The following SETD9 variants were observed in gnomAD, a reference collection of about 807,000 sequenced individuals.
SETD9 encodes the protein SET domain containing 9.
In SETD9, 37 loss-of-function variants were observed where a neutral mutation model predicts 36.4. The observed-to-expected ratio is 1.02, with a 90% CI of 0.78 to 1.34. SETD9 has a LOEUF of 1.34. Ranked by LOEUF, SETD9 falls within the 40% of genes most tolerant of loss-of-function variation. The pLI is 0.00. For synonymous variants in SETD9, 128 were observed against 132.9 expected, an observed-to-expected ratio of 0.96 and a Z score of 0.26; for missense variants, 323 against 353.2, an observed-to-expected ratio of 0.91 and a Z score of 0.69.
chr5:56,926,192 A>AT (rs972093061), downstream of SETD9, among the ~76,000 whole-genome samples: 36 of 152,248 alleles, frequency 2.4e-4, no homozygotes, highest in Admixed American at 1.0e-3. Context: ...TTTGGCAATG[A>AT]TTTTTTTAAA....
intron 1 of SETD9, 81 bp downstream of exon 1, chr5:56,909,824 G>A (rs1749006146): frequency 7.5e-7 from 1 of 1,327,180 alleles, no homozygotes. Context: ...GCAAAGCGGA[G>A]AGCCTGAGGC....
At position 56,917,020 on chromosome 5, in the gene SETD9, G is replaced by A; in HGVS notation, c.*118G>A. Reference sequence around the variant, plus strand: ...AATATTTTGAGACTTAATTGGAATAGGAATTTCTTATGTTTTTGTTGATAT... The same window carrying A: ...AATATTTTGAGACTTAATTGGAATAAGAATTTCTTATGTTTTTGTTGATAT... On this transcript the variant is annotated 3_prime_UTR_variant, in exon 6 of 6. Transcript: ENST00000285947. 1.5e-6 allele frequency: 2 copies of A among 1,353,856 alleles called. No individual in the cohort carries two copies. Among genetic ancestry groups the A allele is most frequent in the Non-Finnish European group, 1.9e-6 (2 of 1,057,012 alleles). 83.9% of individuals were successfully genotyped at this position (1,353,856 alleles called of 1,614,324 possible).
chr5:56,911,460 A>G lies in SETD9; in HGVS notation c.390A>G (p.Ser130=), dbSNP rs7727044. ...TCAGTGTTGCCCAAGCAACTAGCTC[A>G]TTGATTTCTGCTGGAAAAGGTGTCT... is the stretch of plus-strand genomic sequence containing the variant. The part of the protein sequence containing the change: ...LGFSVAQATS[S]LISAGKGVFV... Residue 130 remains serine (S), a synonymous_variant, in exon 2 of 6, where the codon TCA becomes TCG. Transcript: ENST00000285947. 6.6e-4 allele frequency: 1,059 copies of G among 1,609,704 alleles called. 8 individuals carry two copies. The African/African-American group carries it at 0.013, about 19-fold the overall frequency.
downstream of SETD9, among the ~76,000 whole-genome samples, chr5:56,918,896 T>G (rs1031793539): frequency 6.6e-6 from 1 of 152,132 alleles, no homozygotes; most frequent in African/African-American, 2.4e-5. Flanking sequence ...AGATAGGAGC[T>G]TTAGCTTAAA....
chr5:56,914,585 C>T (rs1749328236), intron 4 of SETD9, among the ~76,000 whole-genome samples: 1 of 151,994 alleles, frequency 6.6e-6, no homozygotes, highest in Non-Finnish European at 1.5e-5. Flanking sequence ...ATTATCTAAA[C>T]ATATGTTATT....
chr5:56,911,644 GA>G (rs1374844808), intron 2 of SETD9, 108 bp downstream of exon 2: 2 of 1,216,998 alleles, frequency 1.6e-6, no homozygotes, highest in Non-Finnish European at 2.2e-6. Context: ...GATTAAATTG[GA>G]AACTCGAGTT....
At chr5:56,911,018 C>CA in intron 1 of SETD9, 151 bp from the exon 2 acceptor site, 3 of 871,114 alleles carry the variant, frequency 3.4e-6, no homozygotes, top group Non-Finnish European at 4.9e-6. Context: ...AGAACTCCCT[C>CA]AAACAATTCT....
intron 5 of SETD9, among the ~76,000 whole-genome samples, chr5:56,915,949 C>A (rs1037963101): frequency 4.7e-5 from 7 of 149,804 alleles, no homozygotes; most frequent in Non-Finnish European, 1.0e-4. Context: ...GTGACAGAGC[C>A]AGATCCTGTC....
chr5:56,922,834 AAAG>A (rs970690407), intron 5 of SETD9: 4 of 339,500 alleles, frequency 1.2e-5, no homozygotes, highest in African/African-American at 8.3e-5. Context: ...AAGAATAGAA[AAAG>A]AAGGGAGTGG....
chr5:56,911,209 A>G lies in SETD9; in HGVS notation c.139A>G (p.Ile47Val). 1 of 1,575,640 alleles carries G rather than the reference A, an allele frequency of 6.3e-7. No homozygotes were observed. Among genetic ancestry groups the G allele is most frequent in the Middle Eastern group, 1.7e-4 (1 of 5,838 alleles). Residue 47 changes from isoleucine (I) to valine (V), a missense_variant, in exon 2 of 6, where the codon ATC (isoleucine) becomes GTC (valine). Transcript: ENST00000285947. Reference sequence around the variant, plus strand: ...TCCAGAGGAATCCAAAGACAAAGTTATCTCAGATGAAGATGTCCTAGGAAC... The same window carrying G: ...TCCAGAGGAATCCAAAGACAAAGTTGTCTCAGATGAAGATGTCCTAGGAAC... ...YVPEESKDKV[I>V]SDEDVLGTLL... is the part of the protein sequence containing the mutation.
chr5:56,909,757 AC>A lies in SETD9; in HGVS notation c.98+15del. 1 of 1,605,504 alleles carries A rather than the reference AC, an allele frequency of 6.2e-7. No individual in the cohort carries two copies. The highest frequency in any genetic ancestry group is 8.5e-7 in the Non-Finnish European group (1 of 1,175,734). On this transcript the variant is annotated intron_variant, in intron 1 of 5. Coordinates refer to ENST00000285947, the MANE Select transcript of SETD9 (RefSeq NM_153706.4). ...CCACAACCCGAGGTGAGAGGGCGGG[AC>A]GGCAGAACGAGGGGCACCTGCCTTC...
chr5:56,915,023 A>G, intron 5 of SETD9, 57 bp downstream of exon 5: 4 of 1,292,828 alleles, frequency 3.1e-6, no homozygotes, highest in Middle Eastern at 2.0e-4. Context: ...TTAAAAAAAT[A>G]TAGAAGAAAA....
downstream of SETD9, chr5:56,920,459 C>A (rs1278701164): frequency 6.6e-6 from 1 of 152,022 alleles, no homozygotes; most frequent in African/African-American, 2.4e-5. Flanking sequence ...GAAAAAAAAA[C>A]AAAAAGAATT....
chr5:56,912,523 T>C (rs1749191925), intron 2 of SETD9, among the ~76,000 whole-genome samples: 1 of 152,196 alleles, frequency 6.6e-6, no homozygotes, highest in Non-Finnish European at 1.5e-5. Context: ...AGAAGTTTAA[T>C]AAATAGATTA....
In SETD9 at chr5:56,911,506, C is replaced by G; in HGVS notation, c.436C>G (p.Pro146Ala). The change falls in exon 2 of 6, where the codon CCA (proline) becomes GCA (alanine). Residue 146 changes from proline to alanine, a missense_variant. Physicochemically the swap from Pro to Ala is conservative, Grantham distance 27. Transcript: ENST00000285947. Reference protein sequence around the residue: ...KGVFVTKGLVPKGAVVSMYPG... With the variant: ...KGVFVTKGLVAKGAVVSMYPG... ...TGTCTTCGTTACTAAAGGATTGGTA[C>G]CAAAAGGCGCAGTCGTATCTATGTA... 3 of 1,586,394 alleles carry G rather than the reference C, an allele frequency of 1.9e-6. No homozygotes were observed. Among genetic ancestry groups the G allele is most frequent in the Non-Finnish European group, 2.6e-6 (3 of 1,169,602 alleles).
intron 5 of SETD9, chr5:56,923,443 G>A: frequency 1.2e-6 from 2 of 1,614,130 alleles, no homozygotes; most frequent in Non-Finnish European, 1.7e-6. Flanking sequence ...TTTCCCCATT[G>A]CTGGGCAGGG....
chr5:56,910,327 A>C lies in SETD9; in HGVS notation c.98+584A>C, dbSNP rs531581665. The C allele has an allele frequency of 2.5e-5, 33 of 1,304,346 alleles. No homozygotes were observed. In the Admixed American group the frequency reaches 5.7e-4, roughly 23 times the overall value. 80.8% of individuals were successfully genotyped at this position (1,304,346 alleles called of 1,614,324 possible). ...CCCGGCTGTGAGAATAGCGTGCAGTAGCTCGCGCGTTAAGAACGGGCAGAA... is the reference window on the plus strand; with the variant it reads ...CCCGGCTGTGAGAATAGCGTGCAGTCGCTCGCGCGTTAAGAACGGGCAGAA... On this transcript the variant is annotated intron_variant, in intron 1 of 5. Coordinates refer to ENST00000285947, the MANE Select transcript of SETD9 (RefSeq NM_153706.4).
At chr5:56,915,723 G>A (rs1749391573) in intron 5 of SETD9, among the ~76,000 whole-genome samples, 1 of 152,138 alleles carries the variant, frequency 6.6e-6, no homozygotes, top group Non-Finnish European at 1.5e-5. Context: ...CAGCACTTTG[G>A]GAGGCCAAGG....
intron 5 of SETD9, among the ~76,000 whole-genome samples, chr5:56,915,772 C>A (rs2112032639): frequency 6.6e-6 from 1 of 151,798 alleles, no homozygotes; most frequent in South Asian, 2.1e-4. Context: ...GAAACCAGCC[C>A]AGACAACATG....
Sources: allele counts gnomAD v4.1 joint callset (sites outside exome capture counted in the v4.1 genomes callset), GRCh38; gene constraint gnomAD v4.1.1; transcripts MANE v1.5; gene names NCBI Gene and HGNC (gene_info 2026-07-23, HGNC 2026-07-21).